Variants in ENTREP2 observed in about 807,000 individuals in gnomAD.
ENTREP2 encodes the protein protein ENTREP2.
chr15:29,401,077 G>C, the ENTREP2 span, among the ~76,000 whole-genome samples: 5 of 152,362 alleles, frequency 3.3e-5, no homozygotes, highest in South Asian at 1.0e-3. Context: ...TGAGAAGCTT[G>C]CAACCCAAAG....
At chr15:29,481,381 T>C in the ENTREP2 span, among the ~76,000 whole-genome samples, 2 of 152,136 alleles carry the variant, frequency 1.3e-5, no homozygotes, top group South Asian at 2.1e-4. Context: ...ACACTCAGAG[T>C]AGTAAGGCCC....
At chr15:29,527,780 CTCACCCCAGGAAAT>C in the ENTREP2 span, among the ~76,000 whole-genome samples, 3 of 152,122 alleles carry the variant, frequency 2.0e-5, no homozygotes, top group Admixed American at 1.3e-4. Flanking sequence ...ATCTCAAGGT[CTCACCCCAGGAAAT>C]TCACCCCAGG....
the ENTREP2 span, among the ~76,000 whole-genome samples, chr15:29,558,855 C>T: frequency 2.0e-5 from 3 of 150,664 alleles, no homozygotes; most frequent in Non-Finnish European, 4.4e-5. Context: ...TTTCTCTTCC[C>T]TATGATTTTC....
At chr15:29,393,143 A>G in the ENTREP2 span, among the ~76,000 whole-genome samples, 2 of 152,218 alleles carry the variant, frequency 1.3e-5, no homozygotes. Flanking sequence ...GAGGGTATCA[A>G]AGTTTGCCCT....
the ENTREP2 span, among the ~76,000 whole-genome samples, chr15:29,253,783 G>A: frequency 6.6e-6 from 1 of 151,934 alleles, no homozygotes; most frequent in Non-Finnish European, 1.5e-5. Context: ...CATTTTTAAT[G>A]ATGACAGACT....
the ENTREP2 span, among the ~76,000 whole-genome samples, chr15:29,198,548 G>T: frequency 6.6e-6 from 1 of 152,102 alleles, no homozygotes; most frequent in South Asian, 2.1e-4. Flanking sequence ...GGGGTGGGTG[G>T]GTTTGTTTTC....
chr15:29,215,587 T>C, the ENTREP2 span, among the ~76,000 whole-genome samples: 1 of 149,530 alleles, frequency 6.7e-6, no homozygotes, highest in Admixed American at 6.7e-5. Flanking sequence ...AATATATATA[T>C]ATATATATAT....
At chr15:29,532,373 T>A in the ENTREP2 span, among the ~76,000 whole-genome samples, 1 of 152,324 alleles carries the variant, frequency 6.6e-6, no homozygotes, top group South Asian at 2.1e-4. Flanking sequence ...TTTGTAGCAT[T>A]CATGGCCGAG....
the ENTREP2 span, among the ~76,000 whole-genome samples, chr15:29,454,630 C>T: frequency 6.6e-6 from 1 of 152,130 alleles, no homozygotes; most frequent in Non-Finnish European, 1.5e-5. Flanking sequence ...CCCCAATGCC[C>T]CCCACCTCCT....
the ENTREP2 span, among the ~76,000 whole-genome samples, chr15:29,618,313 T>C: frequency 0.033 from 4,941 of 151,630 alleles, 283 homozygotes; most frequent in African/African-American, 0.11. Context: ...ATCCCAGCTA[T>C]TTGGGAGGCT....
At chr15:29,513,505 C>T in the ENTREP2 span, among the ~76,000 whole-genome samples, 8 of 152,278 alleles carry the variant, frequency 5.3e-5, no homozygotes, top group East Asian at 7.7e-4. Context: ...CCACCTTCTC[C>T]GTGGAGGGAA....
At chr15:29,200,209 T>C in the ENTREP2 span, among the ~76,000 whole-genome samples, 1 of 152,148 alleles carries the variant, frequency 6.6e-6, no homozygotes, top group South Asian at 2.1e-4. Flanking sequence ...CAGGTCTTGC[T>C]CTGTCACCCA....
chr15:29,536,486 C>T, the ENTREP2 span, among the ~76,000 whole-genome samples: 1 of 151,908 alleles, frequency 6.6e-6, no homozygotes, highest in South Asian at 2.1e-4. Flanking sequence ...CGCCTGTAAT[C>T]CCACCTACTC....
At chr15:29,162,341 G>C in the ENTREP2 span, among the ~76,000 whole-genome samples, 1 of 152,322 alleles carries the variant, frequency 6.6e-6, no homozygotes, top group East Asian at 1.9e-4. Context: ...CGCAAATCTG[G>C]TGTGCAGATT....
chr15:29,415,061 T>C, the ENTREP2 span, among the ~76,000 whole-genome samples: 1 of 152,158 alleles, frequency 6.6e-6, no homozygotes, highest in Non-Finnish European at 1.5e-5. Flanking sequence ...ACAGCCGAAT[T>C]CTACCAGAGG....
At chr15:29,511,344 C>CTTT in the ENTREP2 span, among the ~76,000 whole-genome samples, 2 of 136,854 alleles carry the variant, frequency 1.5e-5, 1 homozygote. Flanking sequence ...TTTTTCTTTT[C>CTTT]TTTTTTTTTT....
the ENTREP2 span, among the ~76,000 whole-genome samples, chr15:29,433,459 T>C: frequency 0.079 from 12,087 of 152,300 alleles, 610 homozygotes; most frequent in Admixed American, 0.13. Flanking sequence ...CTGCTCATAG[T>C]AATTCACATA....
the ENTREP2 span, among the ~76,000 whole-genome samples, chr15:29,391,848 A>G: frequency 0.78 from 119,422 of 152,214 alleles, 46,873 homozygotes; most frequent in Admixed American, 0.8. Flanking sequence ...GTTTTGAGAC[A>G]GAGTCTGGCT....
the ENTREP2 span, among the ~76,000 whole-genome samples, chr15:29,215,215 T>C: frequency 7.2e-5 from 11 of 152,222 alleles, no homozygotes; most frequent in South Asian, 1.9e-3. Context: ...GTCAACTTGA[T>C]TGAATTGAAG....
Sources: allele counts gnomAD v4.1 joint callset (sites outside exome capture counted in the v4.1 genomes callset), GRCh38; gene constraint gnomAD v4.1.1; transcripts MANE v1.5; gene names NCBI Gene and HGNC (gene_info 2026-07-23, HGNC 2026-07-21).